GRID1: variants seen among roughly 807,000 people sequenced by gnomAD.
The protein encoded by GRID1 is glutamate ionotropic receptor delta type subunit 1, also known as glutamate receptor ionotropic, delta-1.
A neutral mutation model predicts 98.0 loss-of-function variants in GRID1; 28 were observed. The ratio of observed to expected loss-of-function variants is 0.29; its 90% CI spans 0.21 to 0.39. The LOEUF is 0.39. Ranked by LOEUF, GRID1 falls within the 10% of genes least tolerant of loss-of-function variation. The pLI, the probability that GRID1 is intolerant of heterozygous loss-of-function variation, is 1.00. For missense variants in GRID1, 1,111 were observed against 1,340.5 expected (o/e 0.83, Z 2.67); for synonymous variants, 553 against 538.5 (o/e 1.03, Z -0.37).
intron 2 of GRID1, among the ~76,000 whole-genome samples, chr10:86,327,434 CA>C (rs1171301514): frequency 1.3e-5 from 2 of 152,172 alleles, no homozygotes; most frequent in East Asian, 3.8e-4. Flanking sequence ...AGCCAAAAAG[CA>C]GAGCAAACCC....
At chr10:85,758,873 C>G (rs1185923705) in intron 8 of GRID1, among the ~76,000 whole-genome samples, 1 of 152,178 alleles carries the variant, frequency 6.6e-6, no homozygotes. Flanking sequence ...GCTGGTGGAA[C>G]AGACTCCAGA....
At chr10:85,758,828 T>C (rs1337093949) in intron 8 of GRID1, among the ~76,000 whole-genome samples, 2 of 152,162 alleles carry the variant, frequency 1.3e-5, no homozygotes, top group Non-Finnish European at 2.9e-5. Flanking sequence ...CTGCTAGTAC[T>C]GAAAGGCAGC....
chr10:86,143,972 T>G lies in GRID1; in HGVS notation c.521-4948A>C, dbSNP rs1431498500. ...CTCTCAGGGGCCCCATCACCAGGCC[T>G]TCTCAATACCCAAGCCTGCCGGAGT... is the stretch of plus-strand genomic sequence containing the variant. On this transcript the variant is annotated intron_variant, in intron 3 of 15. Transcript: ENST00000327946. Among the ~76,000 whole-genome samples the G allele has an allele frequency of 3.3e-5, 5 of 152,090 alleles. No individual in the cohort carries two copies. In the East Asian group the frequency reaches 9.7e-4, roughly 29 times the overall value.
chr10:85,768,763 T>C (rs1031488205), intron 8 of GRID1, among the ~76,000 whole-genome samples: 6 of 152,302 alleles, frequency 3.9e-5, no homozygotes, highest in South Asian at 4.1e-4. Flanking sequence ...TATAAGGAAA[T>C]TGGAACCCCA....
intron 4 of GRID1, among the ~76,000 whole-genome samples, chr10:86,077,314 G>A (rs1033135171): frequency 1.3e-5 from 2 of 152,086 alleles, no homozygotes; most frequent in Non-Finnish European, 2.9e-5. Context: ...AACTCCTCAG[G>A]ACAGTCTCCA....
At chr10:86,223,254 C>T (rs892265070) in intron 2 of GRID1, among the ~76,000 whole-genome samples, 1 of 152,176 alleles carries the variant, frequency 6.6e-6, no homozygotes, top group Non-Finnish European at 1.5e-5. Context: ...CCCTGCCCTG[C>T]GCATGGAAGA....
chr10:85,969,921 A>T (rs940358808), intron 4 of GRID1, among the ~76,000 whole-genome samples: 7 of 152,016 alleles, frequency 4.6e-5, no homozygotes, highest in African/African-American at 1.7e-4. Context: ...TTTTTTCAAG[A>T]CTGACAAAAT....
At chr10:86,087,135 T>C (rs1372325272) in intron 4 of GRID1, among the ~76,000 whole-genome samples, 1 of 152,228 alleles carries the variant, frequency 6.6e-6, no homozygotes, top group Non-Finnish European at 1.5e-5. Flanking sequence ...GATTCCTTTG[T>C]AATGGCTATA....
intron 13 of GRID1, among the ~76,000 whole-genome samples, chr10:85,623,244 T>A (rs1842876763): frequency 6.6e-6 from 1 of 152,182 alleles, no homozygotes; most frequent in African/African-American, 2.4e-5. Context: ...TTCCAGTGTG[T>A]CACAGAGCCT....
At chr10:85,921,098 T>C (rs1841696959) in intron 4 of GRID1, among the ~76,000 whole-genome samples, 1 of 152,228 alleles carries the variant, frequency 6.6e-6, no homozygotes, top group African/African-American at 2.4e-5. Flanking sequence ...TCCAGCTGAC[T>C]TCTCTTCTAG....
intron 2 of GRID1, among the ~76,000 whole-genome samples, chr10:86,312,887 G>A (rs890277951): frequency 6.6e-6 from 1 of 152,210 alleles, no homozygotes; most frequent in Non-Finnish European, 1.5e-5. Context: ...GGACACCCAA[G>A]AGGCTCTGCA....
At chr10:86,064,764 T>A (rs1843696292) in intron 4 of GRID1, among the ~76,000 whole-genome samples, 1 of 152,140 alleles carries the variant, frequency 6.6e-6, no homozygotes, top group Admixed American at 6.5e-5. Context: ...GAGCATCTTA[T>A]TCCAGGCATT....
chr10:85,736,742 A>G (rs754482523), intron 8 of GRID1, among the ~76,000 whole-genome samples: 1 of 152,140 alleles, frequency 6.6e-6, no homozygotes, highest in Non-Finnish European at 1.5e-5. Context: ...GGGTAAGGTG[A>G]AAGGGAACTC....
chr10:86,234,786 A>C (rs1230989386), intron 2 of GRID1, among the ~76,000 whole-genome samples: 1 of 117,878 alleles, frequency 8.5e-6, no homozygotes, highest in East Asian at 2.4e-4. Flanking sequence ...TCCATGGTCC[A>C]TCCAGCTCTG....
At chr10:86,299,850 T>C (rs2132080827) in intron 2 of GRID1, among the ~76,000 whole-genome samples, 1 of 152,264 alleles carries the variant, frequency 6.6e-6, no homozygotes, top group African/African-American at 2.4e-5. Flanking sequence ...GGAGTTAGTC[T>C]TGGGGACACT....
At chr10:86,307,378 T>G (rs561804719) in intron 2 of GRID1, among the ~76,000 whole-genome samples, 169 of 152,312 alleles carry the variant, frequency 1.1e-3, no homozygotes, top group Non-Finnish European at 2.0e-3. Context: ...AATTAAATCC[T>G]GCCATTTGCA....
rs540032057 is a variant in GRID1 at position 85,738,878 on chromosome 10, G to T, written c.1234-9264C>A. ...GGTATCAAATGCAAAGAGGAAGGTG[G>T]GACATTTGGGGCTAATGGAAGTGTT... is the stretch of plus-strand genomic sequence containing the variant. On this transcript the variant is annotated intron_variant, in intron 8 of 15. Transcript: ENST00000327946. Among the ~76,000 whole-genome samples, 23 of 152,192 alleles carry T rather than the reference G, an allele frequency of 1.5e-4. No individual in the cohort carries two copies. In the South Asian group the frequency reaches 4.8e-3, roughly 32 times the overall value.
At chr10:86,342,108 GT>G (rs1408048485) in intron 2 of GRID1, among the ~76,000 whole-genome samples, 1 of 152,148 alleles carries the variant, frequency 6.6e-6, no homozygotes, top group Non-Finnish European at 1.5e-5. Flanking sequence ...TTACTCCCTA[GT>G]TTTTGCAGAG....
chr10:85,831,759 G>C (rs540592335), intron 8 of GRID1, among the ~76,000 whole-genome samples: 1 of 152,158 alleles, frequency 6.6e-6, no homozygotes, highest in East Asian at 1.9e-4. Context: ...TAATGTTTGA[G>C]CTGGATAACA....
Sources: gnomAD v4.1 joint callset for allele counts (sites outside exome capture counted in the v4.1 genomes callset) on GRCh38, gnomAD v4.1.1 for gene constraint, MANE v1.5 for transcripts, NCBI Gene and HGNC (gene_info 2026-07-23, HGNC 2026-07-21) for gene names.